The following L3HYPDH variants were observed in gnomAD, a reference collection of about 807,000 sequenced individuals.
The protein encoded by L3HYPDH is trans-3-hydroxy-L-proline dehydratase.
L3HYPDH carries 32 observed loss-of-function variants against 26.5 expected under a neutral mutation model. That is an observed-to-expected ratio of 1.21 (90% CI 0.91 to 1.62). L3HYPDH has a LOEUF of 1.62. Among genes scored for constraint, L3HYPDH ranks in the 40% most tolerant of loss-of-function variants. The pLI is 0.00. For synonymous variants in L3HYPDH, 215 were observed against 196.6 expected, an observed-to-expected ratio of 1.09 and a Z score of -0.78; for missense variants, 554 against 476.4, an observed-to-expected ratio of 1.16 and a Z score of -1.52.
At chr14:59,479,139 CCA>C in intron 2 of L3HYPDH, 41 bp downstream of exon 2, 2 of 1,435,648 alleles carry the variant, frequency 1.4e-6, no homozygotes, top group Non-Finnish European at 9.5e-7. Flanking sequence ...TTCCTCCATG[CCA>C]CAGAGAAGGG....
intron 1 of L3HYPDH, among the ~76,000 whole-genome samples, chr14:59,466,519 C>T (rs1889183949): frequency 6.6e-6 from 1 of 152,178 alleles, no homozygotes; most frequent in African/African-American, 2.4e-5. Context: ...TAGGATACCC[C>T]TGATCTACTG....
chr14:59,498,889 A>C, the L3HYPDH span: 1 of 1,607,554 alleles, frequency 6.2e-7, no homozygotes. Context: ...TGCTTCAGGC[A>C]GTTGGTGGAG....
the L3HYPDH span, chr14:59,498,706 A>G: frequency 7.9e-7 from 1 of 1,269,476 alleles, no homozygotes; most frequent in Admixed American, 2.3e-5. Context: ...GATGTTACAA[A>G]TTCTTTATTT....
chr14:59,502,684 T>TATCA, the L3HYPDH span, among the ~76,000 whole-genome samples: 3 of 151,514 alleles, frequency 2.0e-5, no homozygotes, highest in Non-Finnish European at 4.4e-5. Flanking sequence ...TTGGCGCTTT[T>TATCA]ATCAACTCTA....
the L3HYPDH span, chr14:59,501,238 G>A: frequency 1.2e-6 from 2 of 1,604,494 alleles, no homozygotes; most frequent in Non-Finnish European, 1.7e-6. Context: ...GGTTACTCTG[G>A]CTGTGTACAT....
At chr14:59,492,069 A>G in the L3HYPDH span, among the ~76,000 whole-genome samples, 1 of 152,160 alleles carries the variant, frequency 6.6e-6, no homozygotes, top group East Asian at 1.9e-4. Flanking sequence ...GCAACAAACA[A>G]TATATTTATG....
the L3HYPDH span, among the ~76,000 whole-genome samples, chr14:59,493,208 A>G: frequency 6.6e-6 from 1 of 152,198 alleles, no homozygotes; most frequent in Admixed American, 6.5e-5. Flanking sequence ...ATAAACAGAA[A>G]TTCACACCTG....
upstream of L3HYPDH, chr14:59,484,909 C>G: frequency 1.4e-6 from 2 of 1,425,890 alleles, no homozygotes; most frequent in African/African-American, 2.9e-5. Context: ...GAATTGAAAA[C>G]GCGGGTGATA....
the L3HYPDH span, among the ~76,000 whole-genome samples, chr14:59,497,870 T>C: frequency 6.6e-6 from 1 of 152,164 alleles, no homozygotes; most frequent in Non-Finnish European, 1.5e-5. Flanking sequence ...AAATGACTGC[T>C]GACTTCCTAG....
At chr14:59,487,915 T>G (rs1890702675), upstream of L3HYPDH, 1 of 1,243,412 alleles carries the variant, frequency 8.0e-7, no homozygotes, top group Non-Finnish European at 1.2e-6. Context: ...TTATGCTTCT[T>G]CTGTTTTAAA....
chr14:59,483,405 T>C (rs542960776), intron 1 of L3HYPDH: 4 of 603,834 alleles, frequency 6.6e-6, no homozygotes, highest in Non-Finnish European at 6.5e-6. Flanking sequence ...TTAAGTGTGA[T>C]TCTGTGTCTA....
chr14:59,471,129 T>C (rs946250259), downstream of L3HYPDH, among the ~76,000 whole-genome samples: 1 of 152,106 alleles, frequency 6.6e-6, no homozygotes, highest in Admixed American at 6.5e-5. Flanking sequence ...TTGATTTCCC[T>C]AATGTTTTTT....
chr14:59,501,153 GT>G, the L3HYPDH span: 1 of 1,276,498 alleles, frequency 7.8e-7, no homozygotes, highest in Admixed American at 2.1e-5. Context: ...GAGAAAATTT[GT>G]TTCATTTCCA....
the L3HYPDH span, chr14:59,495,000 C>T: frequency 6.3e-7 from 1 of 1,583,860 alleles, no homozygotes; most frequent in Non-Finnish European, 8.7e-7. Context: ...AGTAATCATG[C>T]CTCTTTTCCT....
rs369670366 is a variant in L3HYPDH, at chr14:59,481,935, G to A, written c.508+1874C>T. On this transcript the variant is annotated intron_variant, in intron 1 of 4. Coordinates refer to ENST00000247194, the MANE Select transcript of L3HYPDH (RefSeq NM_144581.2). ...AGTTCCTGGCACAGATTAGGGACTC[G>A]AAAGCCAAAACTTTAATTTCCAGTG... 1.3e-4 allele frequency among the ~76,000 whole-genome samples: 20 copies of A among 152,296 alleles called. 2 individuals are homozygous for A. Among genetic ancestry groups the A allele is most frequent in the Admixed American group, 8.5e-4 (13 of 15,302 alleles).
upstream of L3HYPDH, chr14:59,486,576 A>C: frequency 3.1e-6 from 2 of 648,826 alleles, no homozygotes; most frequent in Non-Finnish European, 5.4e-6. Flanking sequence ...AAATTTAAAA[A>C]TGCTTCAAGA....
At position 59,483,855 on chromosome 14, in the gene L3HYPDH, G is replaced by A; in HGVS notation, c.462C>T (p.His154=). The change falls in exon 1 of 5, where the codon CAC becomes CAT. Residue 154 remains histidine, a synonymous_variant. Transcript: ENST00000247194. ...GGACGCTGTGGAAGCGCACCGGTCC[G>A]TGGCTGCGGCCGTCCTCGCATGCCA... ...AFVACEDGRS[H]GPVRFHSVPA... is the part of the protein sequence containing the mutation. 1 of 1,586,418 alleles carries A rather than the reference G, an allele frequency of 6.3e-7. No individual in the cohort carries two copies. The highest frequency in any genetic ancestry group is 8.5e-7 in the Non-Finnish European group (1 of 1,173,522).
chr14:59,468,313 C>T (rs1297042680), downstream of L3HYPDH, among the ~76,000 whole-genome samples: 1 of 152,180 alleles, frequency 6.6e-6, no homozygotes, highest in African/African-American at 2.4e-5. Flanking sequence ...ATGATTTGAC[C>T]CTGCTTCCTC....
At chr14:59,467,967 C>T (rs1010133472), downstream of L3HYPDH, among the ~76,000 whole-genome samples, 1 of 152,232 alleles carries the variant, frequency 6.6e-6, no homozygotes, top group African/African-American at 2.4e-5. Flanking sequence ...AATCTTGGCT[C>T]TCATCCTCTC....
Sources: gnomAD v4.1 joint callset for allele counts (sites outside exome capture counted in the v4.1 genomes callset) on GRCh38, gnomAD v4.1.1 for gene constraint, MANE v1.5 for transcripts, NCBI Gene and HGNC (gene_info 2026-07-23, HGNC 2026-07-21) for gene names.